IGFL4: variants seen among roughly 807,000 people sequenced by gnomAD.
IGFL4 encodes insulin growth factor-like family member 4.
In IGFL4, 12 loss-of-function variants were observed where a neutral mutation model predicts 15.4. The ratio of observed to expected loss-of-function variants is 0.78; its 90% CI spans 0.50 to 1.26. IGFL4 has a LOEUF of 1.26. Among genes scored for constraint, IGFL4 ranks in the 50% most tolerant of loss-of-function variants. IGFL4 has a pLI of 0.00. For missense variants in IGFL4, 126 were observed against 147.8 expected, an observed-to-expected ratio of 0.85 and a Z score of 0.76; for synonymous variants, 54 against 55.9, an observed-to-expected ratio of 0.97 and a Z score of 0.16.
chr19:46,043,365 A>G (rs1969264991), upstream of IGFL4, among the ~76,000 whole-genome samples: 1 of 152,236 alleles, frequency 6.6e-6, no homozygotes, highest in Non-Finnish European at 1.5e-5. Flanking sequence ...TAAGATGTCA[A>G]TTCTCTCCAA....
At chr19:46,073,030 A>C (rs1191498979) in intron 1 of IGFL4, among the ~76,000 whole-genome samples, 2 of 152,194 alleles carry the variant, frequency 1.3e-5, no homozygotes, top group South Asian at 2.1e-4. Flanking sequence ...GGGATTCTGG[A>C]TTGGATCCTG....
At chr19:46,052,059 T>C (rs937805754) in intron 2 of IGFL4, among the ~76,000 whole-genome samples, 1 of 152,214 alleles carries the variant, frequency 6.6e-6, no homozygotes, top group African/African-American at 2.4e-5. Context: ...AATCCATTGA[T>C]AGCACTAGAC....
Position 46,040,283 on chromosome 19 carries a change from GA to G in IGFL4, c.203del (p.Phe68SerfsTer21). The G allele has an allele frequency of 6.2e-7, 1 of 1,614,204 alleles. No homozygotes were observed. The highest frequency in any genetic ancestry group is 8.5e-7 in the Non-Finnish European group (1 of 1,180,024). The part of the protein sequence containing the change: ...QTRLCGSSCT[F>X]WPCFQHCCLE... ...GGCAGCAGTGCTGGAAGCAGGGCCA[GA>G]AGGTGCAGCTGGAGCCGCAGAGCCG... On this transcript the variant is annotated frameshift_variant, in exon 3 of 4. Coordinates refer to ENST00000377697, the MANE Select transcript of IGFL4 (RefSeq NM_001002923.3). LOFTEE classifies it high-confidence loss of function. The surrounding 1 kb of genome is among the most constrained non-coding windows in gnomAD (Gnocchi z 4.1).
rs879134168 is a variant in IGFL4 at position 46,040,987 on chromosome 19, G to A, written c.-25C>T. 6 of 1,574,560 alleles carry A rather than the reference G, an allele frequency of 3.8e-6. No homozygotes were observed. The highest frequency in any genetic ancestry group is 2.3e-5 in the East Asian group (1 of 44,282). ...TGGGTTAGGCTTCAGAGCAGCGGAC[G>A]AGGGAGCAGCAGTGGAAATGGGTCA... On this transcript the variant is annotated 5_prime_UTR_variant, in exon 1 of 4. Coordinates refer to ENST00000377697, the MANE Select transcript of IGFL4 (RefSeq NM_001002923.3). This position sits in a 1 kb window ranked among gnomAD's most constrained non-coding sequence, Gnocchi z 4.1.
At chr19:46,070,900 G>A (rs1969539411) in intron 1 of IGFL4, among the ~76,000 whole-genome samples, 1 of 152,044 alleles carries the variant, frequency 6.6e-6, no homozygotes, top group Admixed American at 6.6e-5. Context: ...GTATTTGGGG[G>A]AAAAATTAAT....
At chr19:46,048,300 C>G (rs897391369) in intron 2 of IGFL4, among the ~76,000 whole-genome samples, 2 of 152,130 alleles carry the variant, frequency 1.3e-5, no homozygotes, top group African/African-American at 4.8e-5. Flanking sequence ...ATGACAAACT[C>G]ACAGCCAATA....
chr19:46,061,825 G>C (rs1008000665), intron 1 of IGFL4, among the ~76,000 whole-genome samples: 4 of 152,080 alleles, frequency 2.6e-5, no homozygotes, highest in Non-Finnish European at 4.4e-5. Context: ...TCTGTTCCAA[G>C]AAAAAGCAAA....
upstream of IGFL4, among the ~76,000 whole-genome samples, chr19:46,044,301 A>C (rs1969276891): frequency 1.3e-5 from 2 of 152,044 alleles, no homozygotes; most frequent in Non-Finnish European, 2.9e-5. Flanking sequence ...AGTTTTACGT[A>C]CTCTGGCCCT....
intron 1 of IGFL4, among the ~76,000 whole-genome samples, chr19:46,072,365 GC>G (rs1310940474): frequency 6.6e-6 from 1 of 152,152 alleles, no homozygotes; most frequent in Non-Finnish European, 1.5e-5. Flanking sequence ...AGAAGTGCGA[GC>G]CCCCCAAATC....
chr19:46,053,270 A>G (rs1568712888), intron 2 of IGFL4, among the ~76,000 whole-genome samples: 1 of 152,184 alleles, frequency 6.6e-6, no homozygotes, highest in Non-Finnish European at 1.5e-5. Flanking sequence ...GCTGAAGTGC[A>G]GTGGCATGAT....
chr19:46,041,837 C>CT (rs11334515), upstream of IGFL4, among the ~76,000 whole-genome samples: 2,663 of 109,824 alleles, frequency 0.024, 98 homozygotes, highest in African/African-American at 0.061. Flanking sequence ...TCCTCTCTCT[C>CT]TTTTTTTTTT....
At position 46,039,905 on chromosome 19, in the gene IGFL4, GAT is replaced by G; in HGVS notation, c.360_361del (p.Arg120SerfsTer2). ...CCCCAGAACAGTCTAGATGAGGTCA[GAT>G]CTTGACACAGGGCTTTTTGGGTGGT... On this transcript the variant is annotated frameshift_variant, in exon 4 of 4. Transcript: ENST00000377697. LOFTEE classifies it high-confidence loss of function. 6.2e-7 allele frequency: 1 copy of G among 1,612,956 alleles called. No individual in the cohort carries two copies. The highest frequency in any genetic ancestry group is 1.1e-5 in the South Asian group (1 of 91,066).
upstream of IGFL4, among the ~76,000 whole-genome samples, chr19:46,042,532 T>C (rs552329912): frequency 6.6e-6 from 1 of 152,334 alleles, no homozygotes; most frequent in African/African-American, 2.4e-5. Flanking sequence ...TCTGTATAAT[T>C]GAACTATCTA....
chr19:46,040,838 C>T lies in IGFL4; in HGVS notation c.19+106G>A. 1 of 1,105,714 alleles carries T rather than the reference C, an allele frequency of 9.0e-7. No individual in the cohort carries two copies. The highest frequency in any genetic ancestry group is 1.3e-6 in the Non-Finnish European group (1 of 743,546). The allele number at this position is 1,105,714 out of a possible 1,614,324, so 68.5% of individuals were successfully genotyped here. A position where few individuals can be genotyped will look rare whatever the true frequency, so the allele number is the denominator to read the frequency against. On this transcript the variant is annotated intron_variant, in intron 1 of 3. Coordinates refer to ENST00000377697, the MANE Select transcript of IGFL4 (RefSeq NM_001002923.3). The surrounding 1 kb of genome is among the most constrained non-coding windows in gnomAD (Gnocchi z 4.1). Reference sequence around the variant, plus strand: ...ACATAGCAGTGATTATGAGGTGGGACACCAATAATTAAATAGGGAAGAGAG... The same window carrying T: ...ACATAGCAGTGATTATGAGGTGGGATACCAATAATTAAATAGGGAAGAGAG...
At chr19:46,071,190 C>T (rs1268053924) in intron 1 of IGFL4, among the ~76,000 whole-genome samples, 2 of 151,566 alleles carry the variant, frequency 1.3e-5, no homozygotes, top group East Asian at 3.9e-4. Flanking sequence ...CCAACCTCCT[C>T]AATGTGCTTT....
intron 1 of IGFL4, among the ~76,000 whole-genome samples, chr19:46,074,315 A>G (rs1393860750): frequency 6.6e-6 from 1 of 151,696 alleles, no homozygotes; most frequent in Non-Finnish European, 1.5e-5. Flanking sequence ...ACACATATAT[A>G]TATCTTATTA....
rs553785801 is a variant in IGFL4, at chr19:46,068,520, C to T, written c.-431-8227G>A. Among the ~76,000 whole-genome samples, 8 of 152,300 alleles carry T rather than the reference C, an allele frequency of 5.3e-5. No homozygotes were observed. In the East Asian group the frequency reaches 5.8e-4, roughly 11 times the overall value. The stretch of plus-strand genomic sequence containing the variant: ...TGAACTTTTCCCTTATTTGTCATCC[C>T]GCTTTGTTGATTCTGTAACCAGGGG... On this transcript the variant is annotated intron_variant, in intron 1 of 5. Coordinates refer to the IGFL4 transcript ENST00000601672.
chr19:46,054,415 A>G (rs1431488974), intron 2 of IGFL4, among the ~76,000 whole-genome samples: 1 of 152,114 alleles, frequency 6.6e-6, no homozygotes, highest in Non-Finnish European at 1.5e-5. Context: ...AGTTGGCTAT[A>G]GATACTTGGA....
At chr19:46,072,619 C>G (rs1969557324) in intron 1 of IGFL4, among the ~76,000 whole-genome samples, 1 of 152,144 alleles carries the variant, frequency 6.6e-6, no homozygotes, top group Non-Finnish European at 1.5e-5. Context: ...TGGGGAAGCC[C>G]CAGGTGTGAT....
Sources: allele counts gnomAD v4.1 joint callset (sites outside exome capture counted in the v4.1 genomes callset), GRCh38; gene constraint gnomAD v4.1.1; non-coding constraint Gnocchi (gnomAD v3.1); transcripts MANE v1.5; gene names NCBI Gene and HGNC (gene_info 2026-07-23, HGNC 2026-07-21).